LIMCH1: variants seen among roughly 807,000 people sequenced by gnomAD.
LIMCH1 encodes the protein LIM and calponin homology domains-containing protein 1.
Under a neutral mutation model 176.5 loss-of-function variants are expected in LIMCH1, and 113 were observed. The ratio of observed to expected loss-of-function variants is 0.64; its 90% CI spans 0.55 to 0.75. The LOEUF (loss-of-function observed/expected upper bound fraction) is 0.75, where lower values mean the gene tolerates loss of function less well. Ranked by LOEUF, LIMCH1 falls within the 30% of genes least tolerant of loss-of-function variation. LIMCH1 has a pLI of 0.00. For synonymous variants in LIMCH1, 619 were observed against 645.9 expected, an observed-to-expected ratio of 0.96 and a Z score of 0.63; for missense variants, 1,674 against 1,814.9, an observed-to-expected ratio of 0.92 and a Z score of 1.41.
At chr4:41,523,349 A>G (rs1049771818) in intron 2 of LIMCH1, among the ~76,000 whole-genome samples, 1 of 152,206 alleles carries the variant, frequency 6.6e-6, no homozygotes. Flanking sequence ...GTTGTAGCAC[A>G]AAAGTAGCCA....
At chr4:41,532,804 G>A (rs1369303855) in intron 3 of LIMCH1, among the ~76,000 whole-genome samples, 1 of 152,136 alleles carries the variant, frequency 6.6e-6, no homozygotes, top group African/African-American at 2.4e-5. Context: ...CTTTTATTTG[G>A]TGAGAGTTTT....
At chr4:41,428,450 T>A (rs2061313903) in intron 1 of LIMCH1, among the ~76,000 whole-genome samples, 1 of 152,050 alleles carries the variant, frequency 6.6e-6, no homozygotes, top group Non-Finnish European at 1.5e-5. Context: ...GAGATTAGTG[T>A]TAAGCCCTTG....
intron 18 of LIMCH1, among the ~76,000 whole-genome samples, chr4:41,651,733 A>C (rs1183254543): frequency 6.6e-6 from 1 of 152,204 alleles, no homozygotes; most frequent in Non-Finnish European, 1.5e-5. Flanking sequence ...ACAAAAATTC[A>C]TTTAAAAGCT....
rs1280161578 is a variant in LIMCH1 at position 41,692,131 on chromosome 4, ACACTGGTGCAG to A, written c.4276-148_4276-138del. ...GTATATTTGCTTTTGCTGTAAGTTG[ACACTGGTGCAG>A]CATCTTACACATAATAGATGCTCCA... On this transcript the variant is annotated intron_variant, in intron 30 of 31. Coordinates refer to ENST00000503057, the MANE Select transcript of LIMCH1 (RefSeq NM_001330672.2). 6.9e-6 allele frequency: 4 copies of A among 578,956 alleles called. No homozygotes were observed. The African/African-American group carries it at 7.5e-5, about 11-fold the overall frequency. 35.9% of individuals were successfully genotyped at this position (578,956 alleles called of 1,614,324 possible).
intron 1 of LIMCH1, among the ~76,000 whole-genome samples, chr4:41,550,228 T>C (rs1341837874): frequency 6.6e-6 from 1 of 151,562 alleles, no homozygotes; most frequent in Non-Finnish European, 1.5e-5. Context: ...ATCTAATTGG[T>C]TAATTTTATA....
intron 31 of LIMCH1, among the ~76,000 whole-genome samples, chr4:41,694,231 G>A (rs1728641870): frequency 6.6e-6 from 1 of 152,166 alleles, no homozygotes; most frequent in Admixed American, 6.5e-5. Context: ...TGCTTCTATA[G>A]ACATTCAATG....
At chr4:41,524,758 C>A (rs2076455874) in intron 3 of LIMCH1, among the ~76,000 whole-genome samples, 1 of 152,114 alleles carries the variant, frequency 6.6e-6, no homozygotes, top group South Asian at 2.1e-4. Context: ...TTAGGTTGAC[C>A]CTTGGGGGAG....
intron 1 of LIMCH1, among the ~76,000 whole-genome samples, chr4:41,427,943 G>GAA (rs11365470): frequency 1.5e-5 from 2 of 129,768 alleles, no homozygotes; most frequent in African/African-American, 5.4e-5. Flanking sequence ...CATCTATTTG[G>GAA]AAAAAAAAAA....
Position 41,646,853 on chromosome 4 carries a change from C to T in LIMCH1, c.2780C>T (p.Ser927Phe), listed in dbSNP as rs767564154. ...CCTATGCTGACACCCAAGCCTTACT[C>T]CCAGCCCAAAAATTCTCAAGATGTT... Reference protein sequence around the residue: ...AVPMLTPKPYSQPKNSQDVLK... With the variant: ...AVPMLTPKPYFQPKNSQDVLK... The change falls in exon 17 of 32, where the codon TCC becomes TTC. Residue 927 changes from serine to phenylalanine, a missense_variant. Ser to Phe is a radical substitution (Grantham distance 155, BLOSUM62 -2). Coordinates refer to ENST00000503057, the MANE Select transcript of LIMCH1 (RefSeq NM_001330672.2). The T allele has an allele frequency of 6.2e-7, 1 of 1,614,026 alleles. No homozygotes were observed. Among genetic ancestry groups the T allele is most frequent in the South Asian group, 1.1e-5 (1 of 91,066 alleles).
intron 1 of LIMCH1, among the ~76,000 whole-genome samples, chr4:41,415,681 C>G (rs1464360994): frequency 2.6e-5 from 4 of 152,018 alleles, no homozygotes; most frequent in Admixed American, 6.6e-5. Flanking sequence ...TGTACATGTC[C>G]ATTATTATGC....
At chr4:41,673,098 C>T (rs890601068) in intron 22 of LIMCH1, among the ~76,000 whole-genome samples, 3 of 152,092 alleles carry the variant, frequency 2.0e-5, no homozygotes, top group Admixed American at 6.5e-5. Context: ...TTCTAAGTGC[C>T]TCTGCAGAAC....
chr4:41,475,230 T>C (rs1041475919), intron 1 of LIMCH1, among the ~76,000 whole-genome samples: 4 of 152,266 alleles, frequency 2.6e-5, no homozygotes, highest in Non-Finnish European at 1.5e-5. Flanking sequence ...TAAGAGTATA[T>C]GCAAGTTTAG....
chr4:41,529,348 A>G (rs1561645577), intron 3 of LIMCH1, among the ~76,000 whole-genome samples: 1 of 152,218 alleles, frequency 6.6e-6, no homozygotes, highest in African/African-American at 2.4e-5. Context: ...GTGTGCACAT[A>G]TGCACATGTG....
At chr4:41,556,395 C>CAAA (rs71198668) in intron 1 of LIMCH1, among the ~76,000 whole-genome samples, 2,949 of 83,808 alleles carry the variant, frequency 0.035, 149 homozygotes, top group African/African-American at 0.1. Context: ...AACTCTATCT[C>CAAA]AAAAAAAAAA....
chr4:41,476,593 G>T (rs2067782104), intron 1 of LIMCH1, among the ~76,000 whole-genome samples: 1 of 152,238 alleles, frequency 6.6e-6, no homozygotes, highest in African/African-American at 2.4e-5. Flanking sequence ...CAAAAGAACA[G>T]ATTTCCTGCC....
At chr4:41,487,701 C>T (rs1421078453) in intron 1 of LIMCH1, among the ~76,000 whole-genome samples, 5 of 143,408 alleles carry the variant, frequency 3.5e-5, no homozygotes, top group Non-Finnish European at 7.5e-5. Flanking sequence ...CTCTGTCGCC[C>T]AGGCTGGAGT....
At chr4:41,643,975 A>G (rs1236922355) in intron 14 of LIMCH1, among the ~76,000 whole-genome samples, 2 of 152,206 alleles carry the variant, frequency 1.3e-5, no homozygotes, top group Admixed American at 6.5e-5. Flanking sequence ...AGGCCAAATG[A>G]TATTTTTTTG....
intron 1 of LIMCH1, among the ~76,000 whole-genome samples, chr4:41,460,460 A>C (rs796246474): frequency 1.5e-5 from 2 of 133,368 alleles, no homozygotes; most frequent in Admixed American, 7.1e-5. Context: ...GTAATCATCT[A>C]TATATATATA....
chr4:41,469,341 T>A (rs769353770), intron 1 of LIMCH1, among the ~76,000 whole-genome samples: 5 of 152,224 alleles, frequency 3.3e-5, no homozygotes, highest in Non-Finnish European at 5.9e-5. Flanking sequence ...CATACTATGC[T>A]GGTCTATTTG....
Sources: gnomAD v4.1 joint callset for allele counts (sites outside exome capture counted in the v4.1 genomes callset) on GRCh38, gnomAD v4.1.1 for gene constraint, MANE v1.5 for transcripts, NCBI Gene and HGNC (gene_info 2026-07-23, HGNC 2026-07-21) for gene names.